Variants in ZNF622 observed in about 807,000 individuals in gnomAD.
The protein encoded by ZNF622 is cytoplasmic 60S subunit biogenesis factor ZNF622.
Under a neutral mutation model 49.7 loss-of-function variants are expected in ZNF622, and 34 were observed. The observed-to-expected ratio is 0.68, with a 90% CI of 0.52 to 0.91. The LOEUF is 0.91. ZNF622 is among the 40% of genes least tolerant of loss of function. The pLI is 0.00. For missense variants in ZNF622, 569 were observed against 616.4 expected, an observed-to-expected ratio of 0.92 and a Z score of 0.81; for synonymous variants, 209 against 228.7, an observed-to-expected ratio of 0.91 and a Z score of 0.78.
At chr5:16,457,004 C>T (rs966077557) in intron 4 of ZNF622, among the ~76,000 whole-genome samples, 2 of 151,992 alleles carry the variant, frequency 1.3e-5, no homozygotes, top group Non-Finnish European at 2.9e-5. Flanking sequence ...TTGGCTTTGG[C>T]GGTCAAAATG....
chr5:16,453,559 TTATATATATATATATATATATA>T (rs58965299), intron 4 of ZNF622, among the ~76,000 whole-genome samples: 4,926 of 67,176 alleles, frequency 0.073, 279 homozygotes, highest in African/African-American at 0.15. Context: ...TAAATAAAAA[TTATATATATATATATATATATA>T]TATATATATA....
chr5:16,452,841 T>C (rs1052157643), intron 5 of ZNF622, among the ~76,000 whole-genome samples, 172 bp downstream of exon 5: 5 of 152,260 alleles, frequency 3.3e-5, no homozygotes, highest in African/African-American at 9.6e-5. Flanking sequence ...CATAGCACTT[T>C]GGGCTTATTG....
chr5:16,459,406 C>T (rs1057370596), intron 3 of ZNF622, among the ~76,000 whole-genome samples: 11 of 152,182 alleles, frequency 7.2e-5, no homozygotes, highest in Admixed American at 2.0e-4. Context: ...ATTAAAGCCA[C>T]TACACACCCA....
rs769078900 is a variant in ZNF622, at chr5:16,463,094, C to T, written c.1049+14G>A. The T allele has an allele frequency of 1.3e-6, 2 of 1,594,260 alleles. No homozygotes were observed. The highest frequency in any genetic ancestry group is 2.7e-5 in the African/African-American group (2 of 73,624). On this transcript the variant is annotated intron_variant, in intron 3 of 5. Coordinates refer to ENST00000308683, the MANE Select transcript of ZNF622 (RefSeq NM_033414.3). The surrounding 1 kb of genome is among the most constrained non-coding windows in gnomAD (Gnocchi z 4.2). ...TATGACCTCACTTTACTTCATATTA[C>T]AAACTATGCTTACCTAAAATCATAG...
rs1389033098 is a variant in ZNF622 at position 16,463,064 on chromosome 5, G to A, written c.1049+44C>T. The A allele has an allele frequency of 4.4e-6, 7 of 1,577,404 alleles. No homozygotes were observed. The East Asian group carries it at 1.6e-4, about 35-fold the overall frequency. ...TGGCACACCTAATAATCACTTCAAA[G>A]CAAATATGACCTCACTTTACTTCAT... is the stretch of plus-strand genomic sequence containing the variant. On this transcript the variant is annotated intron_variant, in intron 3 of 5. Coordinates refer to ENST00000308683, the MANE Select transcript of ZNF622 (RefSeq NM_033414.3). The surrounding 1 kb of genome is among the most constrained non-coding windows in gnomAD (Gnocchi z 4.2).
chr5:16,462,118 C>A lies in ZNF622; in HGVS notation c.1049+990G>T, dbSNP rs918905085. ...CTGCCACAGCCTCTAATCCTCCCCT[C>A]TACCTCCACCCAGTCATGTCCACCA... On this transcript the variant is annotated intron_variant, in intron 3 of 5. Transcript: ENST00000308683. Among the ~76,000 whole-genome samples, 7 of 152,342 alleles carry A rather than the reference C, an allele frequency of 4.6e-5. No individual in the cohort carries two copies. The South Asian group carries it at 1.4e-3, about 32-fold the overall frequency.
intron 1 of ZNF622, among the ~76,000 whole-genome samples, chr5:16,464,592 T>C (rs1442313391): frequency 6.6e-6 from 1 of 152,202 alleles, no homozygotes; most frequent in Non-Finnish European, 1.5e-5. Flanking sequence ...GTGAGGGTGC[T>C]GGCTCCAGCT....
Position 16,463,594 on chromosome 5 carries a change from G to C in ZNF622, c.774C>G (p.Ser258=). 1 of 1,614,158 alleles carries C rather than the reference G, an allele frequency of 6.2e-7. No homozygotes were observed. The highest frequency in any genetic ancestry group is 8.5e-7 in the Non-Finnish European group (1 of 1,180,032). ...TCTTCATCAGCGAGCTGGAATGATG[G>C]GAACAAAATAAGCAGTCCGTGATAG... ...AIPITDCLFC[S]HHSSSLMKNV... is the part of the protein sequence containing the mutation. Residue 258 remains serine (S), a synonymous_variant, in exon 2 of 6, where the codon TCC becomes TCG. Transcript: ENST00000308683. The surrounding 1 kb of genome is among the most constrained non-coding windows in gnomAD (Gnocchi z 4.2).
rs375199975 is a variant in ZNF622 at position 16,454,277 on chromosome 5, G to A, written c.1163-1121C>T. On this transcript the variant is annotated intron_variant, in intron 4 of 5. Transcript: ENST00000308683. Reference sequence around the variant, plus strand: ...CCTAGGTGGACGGATCACGAGGTCAGGAGATCGAGACCATCCTGGCTAACA... The same window carrying A: ...CCTAGGTGGACGGATCACGAGGTCAAGAGATCGAGACCATCCTGGCTAACA... Among the ~76,000 whole-genome samples, 44 of 152,174 alleles carry A rather than the reference G, an allele frequency of 2.9e-4. 1 individual carries two copies. The highest frequency in any genetic ancestry group is 1.0e-3 in the African/African-American group (42 of 41,532).
intron 4 of ZNF622, among the ~76,000 whole-genome samples, chr5:16,456,389 A>C (rs78658279): frequency 0.044 from 6,755 of 152,316 alleles, 216 homozygotes; most frequent in Non-Finnish European, 0.067. Flanking sequence ...GCCAGACCAC[A>C]ATCTTCAAAA....
At chr5:16,464,891 G>A in intron 1 of ZNF622, 150 bp downstream of exon 1, 1 of 1,156,994 alleles carries the variant, frequency 8.6e-7, no homozygotes, top group Non-Finnish European at 1.2e-6. Flanking sequence ...GCCAGATAAG[G>A]CACTTCAGAA....
At position 16,463,047 on chromosome 5, in the gene ZNF622, CTAA is replaced by C. The variant is rs1738146162; in HGVS notation, c.1049+58_1049+60del. ...CCAAACATATCCAGCACTGGCACAC[CTAA>C]TAATCACTTCAAAGCAAATATGACC... On this transcript the variant is annotated intron_variant, in intron 3 of 5. Transcript: ENST00000308683. This position sits in a 1 kb window ranked among gnomAD's most constrained non-coding sequence, Gnocchi z 4.2. The C allele has an allele frequency of 6.5e-7, 1 of 1,548,570 alleles. No individual in the cohort carries two copies. Among genetic ancestry groups the C allele is most frequent in the South Asian group, 1.3e-5 (1 of 79,984 alleles).
In ZNF622 at chr5:16,451,541, A is replaced by G; in HGVS notation, c.*116T>C. 1 of 1,362,184 alleles carries G rather than the reference A, an allele frequency of 7.3e-7. No individual in the cohort carries two copies. 84.4% of individuals were successfully genotyped at this position (1,362,184 alleles called of 1,614,324 possible). A position where few individuals can be genotyped will look rare whatever the true frequency, so the allele number is the denominator to read the frequency against. ...TCATATGGTTCTAACTTTTATTATT[A>G]GGTCAGAACGAATGAAGTAGCAGCA... On this transcript the variant is annotated 3_prime_UTR_variant, in exon 6 of 6. Transcript: ENST00000308683.
chr5:16,457,102 T>G (rs1164961004), intron 4 of ZNF622, among the ~76,000 whole-genome samples: 1 of 152,148 alleles, frequency 6.6e-6, no homozygotes, highest in Non-Finnish European at 1.5e-5. Context: ...AAATTTAAAG[T>G]CTAGATGAAA....
chr5:16,457,149 T>C (rs1021529914), intron 4 of ZNF622, among the ~76,000 whole-genome samples: 4 of 152,234 alleles, frequency 2.6e-5, no homozygotes, highest in African/African-American at 9.6e-5. Context: ...TGAATAGATA[T>C]GCTCACGTTA....
chr5:16,464,916 C>G, intron 1 of ZNF622, 125 bp downstream of exon 1: 262 of 1,281,834 alleles, frequency 2.0e-4, no homozygotes, highest in Non-Finnish European at 2.6e-4. Context: ...TCTAAACCAC[C>G]TTCCCTCATC....
At chr5:16,456,289 T>C (rs1047764203) in intron 4 of ZNF622, among the ~76,000 whole-genome samples, 1 of 152,104 alleles carries the variant, frequency 6.6e-6, no homozygotes, top group Non-Finnish European at 1.5e-5. Context: ...CAAACGGCCT[T>C]ACAATTTCTG....
In ZNF622 at chr5:16,463,719, C is replaced by A; in HGVS notation, c.649G>T (p.Glu217Ter). The A allele has an allele frequency of 1.2e-6, 2 of 1,613,500 alleles. No individual in the cohort carries two copies. Among genetic ancestry groups the A allele is most frequent in the Non-Finnish European group, 1.7e-6 (2 of 1,179,684 alleles). ...GDDWEDIDSD[E>*]ELECEDTEAM... The stretch of plus-strand genomic sequence containing the variant: ...TCAGTATCCTCACATTCCAATTCTT[C>A]ATCAGAATCAATATCTTCCCAATCT... The change falls in exon 2 of 6, where the codon GAA (glutamate) becomes TAA (stop). Residue 217 changes from glutamate to a stop codon, truncating the protein, a stop_gained. Transcript: ENST00000308683. LOFTEE classifies it high-confidence loss of function. The surrounding 1 kb of genome is among the most constrained non-coding windows in gnomAD (Gnocchi z 4.2).
Position 16,463,094 on chromosome 5 carries a change from C to A in ZNF622, c.1049+14G>T, listed in dbSNP as rs769078900. 1.9e-6 allele frequency: 3 copies of A among 1,594,378 alleles called. No individual in the cohort carries two copies. In the South Asian group the frequency reaches 3.5e-5, roughly 18 times the overall value. On this transcript the variant is annotated intron_variant, in intron 3 of 5. Coordinates refer to ENST00000308683, the MANE Select transcript of ZNF622 (RefSeq NM_033414.3). This position sits in a 1 kb window ranked among gnomAD's most constrained non-coding sequence, Gnocchi z 4.2. Reference sequence around the variant, plus strand: ...TATGACCTCACTTTACTTCATATTACAAACTATGCTTACCTAAAATCATAG... The same window carrying A: ...TATGACCTCACTTTACTTCATATTAAAAACTATGCTTACCTAAAATCATAG...
Sources: gnomAD v4.1 joint callset for allele counts (sites outside exome capture counted in the v4.1 genomes callset) on GRCh38, gnomAD v4.1.1 for gene constraint, Gnocchi (gnomAD v3.1) non-coding constraint, MANE v1.5 for transcripts, NCBI Gene and HGNC (gene_info 2026-07-23, HGNC 2026-07-21) for gene names.